Variants in NXPE2 observed in about 807,000 individuals in gnomAD.
NXPE2 encodes the protein NXPE family member 2.
NXPE2 carries 34 observed loss-of-function variants against 34.4 expected under a neutral mutation model. The observed-to-expected ratio is 0.99, with a 90% CI of 0.75 to 1.31. The LOEUF is 1.31. Ranked by LOEUF, NXPE2 falls within the 40% of genes most tolerant of loss-of-function variation. The pLI is 0.00. For missense variants in NXPE2, 649 were observed against 672.5 expected, an observed-to-expected ratio of 0.97 and a Z score of 0.39; for synonymous variants, 235 against 231.3, an observed-to-expected ratio of 1.02 and a Z score of -0.15.
the NXPE2 span, among the ~76,000 whole-genome samples, chr11:114,662,043 A>G: frequency 6.6e-6 from 1 of 152,204 alleles, no homozygotes; most frequent in Non-Finnish European, 1.5e-5. Context: ...AAGGACACCA[A>G]TTTAACAACT....
the NXPE2 span, among the ~76,000 whole-genome samples, chr11:114,558,324 G>T: frequency 1.2e-4 from 18 of 151,936 alleles, no homozygotes; most frequent in East Asian, 1.3e-3. Flanking sequence ...TATTTTAATA[G>T]TGCTTTTATA....
At chr11:114,654,063 T>C in the NXPE2 span, among the ~76,000 whole-genome samples, 2 of 152,274 alleles carry the variant, frequency 1.3e-5, no homozygotes, top group East Asian at 3.9e-4. Context: ...ATGACAATGA[T>C]ACAAAGTGGT....
At chr11:114,680,764 A>G (rs1406837296) in intron 2 of NXPE2, among the ~76,000 whole-genome samples, 1 of 152,180 alleles carries the variant, frequency 6.6e-6, no homozygotes, top group African/African-American at 2.4e-5. Context: ...TCCTCAGTTT[A>G]TTCTTAAGCA....
At chr11:114,638,904 G>GGGGGTCA in the NXPE2 span, among the ~76,000 whole-genome samples, 27,694 of 151,528 alleles carry the variant, frequency 0.18, 2,973 homozygotes, top group African/African-American at 0.29. Context: ...TAGGCTGCTT[G>GGGGGTCA]GGGGTCAGGG....
chr11:114,540,159 G>A, the NXPE2 span, among the ~76,000 whole-genome samples: 2 of 152,180 alleles, frequency 1.3e-5, no homozygotes, highest in Non-Finnish European at 2.9e-5. Flanking sequence ...GTTTCACCAT[G>A]TTGGCCAGGC....
At chr11:114,701,508 A>C (rs747978811) in intron 3 of NXPE2, among the ~76,000 whole-genome samples, 1 of 152,102 alleles carries the variant, frequency 6.6e-6, no homozygotes, top group African/African-American at 2.4e-5. Flanking sequence ...TCCTTCCCAG[A>C]TCCCCTGCTC....
At chr11:114,707,237 G>A, downstream of NXPE2, 2 of 318,760 alleles carry the variant, frequency 6.3e-6, no homozygotes, top group East Asian at 1.7e-4. Context: ...GATTACAGGT[G>A]CCCACCACCA....
At chr11:114,612,787 G>T in the NXPE2 span, among the ~76,000 whole-genome samples, 155 of 152,058 alleles carry the variant, frequency 1.0e-3, no homozygotes, top group African/African-American at 3.7e-3. Context: ...GTTACCTGGT[G>T]GATAATAAGT....
the NXPE2 span, among the ~76,000 whole-genome samples, chr11:114,494,049 C>G: frequency 2.0e-5 from 3 of 152,156 alleles, no homozygotes; most frequent in African/African-American, 7.2e-5. Context: ...AAGGTTTCCA[C>G]TGAGAAGTCT....
chr11:114,725,066 A>G, the NXPE2 span, among the ~76,000 whole-genome samples: 1 of 151,838 alleles, frequency 6.6e-6, no homozygotes, highest in African/African-American at 2.4e-5. Flanking sequence ...GCCCACACTA[A>G]CAACAGCTGA....
chr11:114,598,995 T>TG, the NXPE2 span, among the ~76,000 whole-genome samples: 1 of 152,242 alleles, frequency 6.6e-6, no homozygotes, highest in Non-Finnish European at 1.5e-5. Flanking sequence ...TTTTACCATA[T>TG]GGCCAGGCTG....
the NXPE2 span, among the ~76,000 whole-genome samples, chr11:114,755,846 C>T: frequency 6.6e-6 from 1 of 152,170 alleles, no homozygotes; most frequent in East Asian, 1.9e-4. Context: ...CCTCAAATCC[C>T]AACCTTAGTT....
chr11:114,592,996 A>AT, the NXPE2 span, among the ~76,000 whole-genome samples: 1 of 152,028 alleles, frequency 6.6e-6, no homozygotes. Flanking sequence ...AAATTAGACC[A>AT]TTTTCTCTCA....
the NXPE2 span, among the ~76,000 whole-genome samples, chr11:114,531,611 GC>G: frequency 2.6e-5 from 4 of 152,084 alleles, no homozygotes; most frequent in Admixed American, 2.6e-4. Flanking sequence ...TTTTTCTGTG[GC>G]CTATTTTCAA....
the NXPE2 span, among the ~76,000 whole-genome samples, chr11:114,524,596 A>G: frequency 5.3e-5 from 8 of 152,294 alleles, no homozygotes; most frequent in African/African-American, 1.9e-4. Flanking sequence ...GAGGCTTGAT[A>G]GCATTGCACC....
the NXPE2 span, among the ~76,000 whole-genome samples, chr11:114,640,141 AAT>A: frequency 8.9e-3 from 995 of 111,400 alleles, 13 homozygotes; most frequent in African/African-American, 0.034. Context: ...TATTATATAT[AAT>A]ATATGATATA....
the NXPE2 span, among the ~76,000 whole-genome samples, chr11:114,750,550 C>T: frequency 3.3e-5 from 5 of 152,268 alleles, no homozygotes; most frequent in African/African-American, 1.2e-4. Context: ...TCCCCATTTC[C>T]TTTCATTTCT....
the NXPE2 span, among the ~76,000 whole-genome samples, chr11:114,471,488 T>A: frequency 6.6e-6 from 1 of 152,208 alleles, no homozygotes; most frequent in African/African-American, 2.4e-5. Context: ...CTTGAAAGAT[T>A]TATGGAGCAT....
chr11:114,764,447 G>A, the NXPE2 span, among the ~76,000 whole-genome samples: 1 of 151,242 alleles, frequency 6.6e-6, no homozygotes, highest in Non-Finnish European at 1.5e-5. Context: ...AAAAAGGAAA[G>A]AGAGGCTTCT....
Sources: gnomAD v4.1 joint callset for allele counts (sites outside exome capture counted in the v4.1 genomes callset) on GRCh38, gnomAD v4.1.1 for gene constraint, MANE v1.5 for transcripts, NCBI Gene and HGNC (gene_info 2026-07-23, HGNC 2026-07-21) for gene names.